SGCD: variants seen among roughly 807,000 people sequenced by gnomAD.
SGCD encodes the protein sarcoglycan delta, also known as delta-sarcoglycan.
A neutral mutation model predicts 36.6 loss-of-function variants in SGCD; 18 were observed. That is an observed-to-expected ratio of 0.49 (90% CI 0.34 to 0.73). The LOEUF (loss-of-function observed/expected upper bound fraction) is 0.73. SGCD is among the 30% of genes least tolerant of loss of function. The probability of loss-of-function intolerance (pLI) is 0.01; values close to 1 mark genes in which losing one functional copy is unlikely to be tolerated. For missense variants in SGCD, 387 were observed against 346.7 expected (o/e 1.12, Z -0.92); for synonymous variants, 133 against 130.6 (o/e 1.02, Z -0.12).
chr5:156,667,116 G>A (rs1753078464), intron 7 of SGCD, among the ~76,000 whole-genome samples: 1 of 152,116 alleles, frequency 6.6e-6, no homozygotes, highest in Non-Finnish European at 1.5e-5. Context: ...TTCAGATTTG[G>A]GGTGCTCAAC....
chr5:155,927,297 T>C (rs554563367), intron 1 of SGCD, among the ~76,000 whole-genome samples: 1 of 152,328 alleles, frequency 6.6e-6, no homozygotes, highest in East Asian at 1.9e-4. Context: ...TGCAGAAAGC[T>C]GAAATGCATT....
intron 6 of SGCD, among the ~76,000 whole-genome samples, chr5:156,609,481 T>C (rs1449254440): frequency 6.6e-6 from 1 of 152,224 alleles, no homozygotes; most frequent in African/African-American, 2.4e-5. Context: ...CTTAACATTT[T>C]TTCCTTCATT....
chr5:155,902,918 G>A (rs1756421998), intron 1 of SGCD, among the ~76,000 whole-genome samples: 1 of 152,086 alleles, frequency 6.6e-6, no homozygotes, highest in South Asian at 2.1e-4. Flanking sequence ...CATTTGCTAG[G>A]ACTTTATAGA....
chr5:156,507,064 G>A (rs1048191739), intron 3 of SGCD, among the ~76,000 whole-genome samples: 25 of 152,158 alleles, frequency 1.6e-4, no homozygotes, highest in Middle Eastern at 3.4e-3. Flanking sequence ...AAAAAATTGC[G>A]CCTCACTCCA....
At chr5:156,692,486 A>C (rs281057) in intron 7 of SGCD, among the ~76,000 whole-genome samples, 1 of 152,136 alleles carries the variant, frequency 6.6e-6, no homozygotes, top group Non-Finnish European at 1.5e-5. Context: ...TTAACCTTTT[A>C]TTATAGAAAA....
At chr5:155,795,974 A>G in the SGCD span, among the ~76,000 whole-genome samples, 2 of 152,218 alleles carry the variant, frequency 1.3e-5, no homozygotes, top group African/African-American at 4.8e-5. Flanking sequence ...AAAGCAGTAA[A>G]TGACAAAAGA....
intron 3 of SGCD, among the ~76,000 whole-genome samples, chr5:156,442,027 G>T (rs775992768): frequency 6.6e-6 from 1 of 152,156 alleles, no homozygotes; most frequent in Non-Finnish European, 1.5e-5. Context: ...TCTAAATCTG[G>T]CAGTCCACTT....
rs113045776 is a variant in SGCD, at chr5:156,540,480, T to C, written c.294+31778T>C. The stretch of plus-strand genomic sequence containing the variant: ...GGCTAGAGAGAAGAGAAGAAATGTC[T>C]TCCCTTTTATATGTTCCCCTTTAAA... On this transcript the variant is annotated intron_variant, in intron 4 of 8. Transcript: ENST00000337851. Among the ~76,000 whole-genome samples the C allele has an allele frequency of 3.2e-3, 489 of 152,264 alleles. 3 individuals carry two copies. The highest frequency in any genetic ancestry group is 4.9e-3 in the Non-Finnish European group (336 of 68,010).
chr5:156,572,644 A>G (rs1389073562), intron 4 of SGCD, among the ~76,000 whole-genome samples: 2 of 152,166 alleles, frequency 1.3e-5, no homozygotes, highest in Non-Finnish European at 2.9e-5. Flanking sequence ...AAGCACCCAT[A>G]AGCCAAAGTA....
chr5:156,400,171 C>T (rs1422290842), intron 3 of SGCD, among the ~76,000 whole-genome samples: 2 of 152,194 alleles, frequency 1.3e-5, no homozygotes, highest in Admixed American at 6.5e-5. Context: ...ACACACATTA[C>T]TGGACTCTGT....
intron 3 of SGCD, among the ~76,000 whole-genome samples, chr5:156,134,258 T>C (rs1320314189): frequency 6.6e-6 from 1 of 152,192 alleles, no homozygotes; most frequent in Non-Finnish European, 1.5e-5. Flanking sequence ...AGTCAATCTA[T>C]GCCCATCTCA....
At chr5:155,927,104 T>C (rs774358957) in intron 1 of SGCD, among the ~76,000 whole-genome samples, 4 of 152,220 alleles carry the variant, frequency 2.6e-5, no homozygotes, top group Admixed American at 1.3e-4. Flanking sequence ...TTCAAACATA[T>C]AAGTGCTTTG....
At chr5:156,653,493 C>CTGTTTTTTTTTTTTTTTTTTTT (rs1763544872) in intron 7 of SGCD, among the ~76,000 whole-genome samples, 2 of 48,082 alleles carry the variant, frequency 4.2e-5, no homozygotes, top group Non-Finnish European at 8.0e-5. Context: ...CTAAAGCTTG[C>CTGTTTTTTTTTTTTTTTTTTTT]TTTTTTTTTT....
rs186554310 is a variant in SGCD at position 156,622,999 on chromosome 5, G to A, written c.503-24465G>A. ...TTTGGGGTAGCATGTCCTGAAGCCC[G>A]ACAGTCACATTTACATAGCCACAAA... is the stretch of plus-strand genomic sequence containing the variant. On this transcript the variant is annotated intron_variant, in intron 6 of 8. Transcript: ENST00000337851. 1.4e-3 allele frequency among the ~76,000 whole-genome samples: 218 copies of A among 152,078 alleles called. 1 individual carries two copies. The highest frequency in any genetic ancestry group is 4.9e-3 in the African/African-American group (205 of 41,462).
At chr5:156,375,417 T>TAA (rs56706247) in intron 3 of SGCD, among the ~76,000 whole-genome samples, 2 of 116,352 alleles carry the variant, frequency 1.7e-5, no homozygotes, top group African/African-American at 6.9e-5. Context: ...TTTTTTTTTT[T>TAA]AAAGAGTACT....
At chr5:156,257,474 T>G (rs757128863) in intron 3 of SGCD, among the ~76,000 whole-genome samples, 6 of 151,484 alleles carry the variant, frequency 4.0e-5, no homozygotes, top group African/African-American at 4.9e-5. Context: ...ACTCCGTCTC[T>G]AAATAAATAA....
intron 6 of SGCD, among the ~76,000 whole-genome samples, chr5:156,625,757 G>A (rs897181958): frequency 6.6e-6 from 1 of 152,170 alleles, no homozygotes; most frequent in African/African-American, 2.4e-5. Context: ...TTCAGCTAGA[G>A]TATAACAAGA....
At chr5:155,975,608 CCT>C (rs1758096279) in intron 1 of SGCD, among the ~76,000 whole-genome samples, 1 of 48,118 alleles carries the variant, frequency 2.1e-5, no homozygotes, top group African/African-American at 8.1e-5. Context: ...TTCTTTCTTT[CCT>C]TTTTTTTTTT....
At chr5:155,912,237 A>T (rs1756644304) in intron 1 of SGCD, among the ~76,000 whole-genome samples, 1 of 152,058 alleles carries the variant, frequency 6.6e-6, no homozygotes, top group East Asian at 1.9e-4. Context: ...AGCTCTACAG[A>T]GTGAGTTGTA....
Sources: allele counts gnomAD v4.1 joint callset (sites outside exome capture counted in the v4.1 genomes callset), GRCh38; gene constraint gnomAD v4.1.1; transcripts MANE v1.5; gene names NCBI Gene and HGNC (gene_info 2026-07-23, HGNC 2026-07-21).